Variants in ADD1 observed in about 807,000 individuals in gnomAD.
ADD1 encodes alpha-adducin.
Under a neutral mutation model 80.5 loss-of-function variants are expected in ADD1, and 24 were observed. The ratio of observed to expected loss-of-function variants is 0.30; its 90% CI spans 0.22 to 0.42. ADD1 has a LOEUF of 0.42. Among genes scored for constraint, ADD1 ranks in the 10% least tolerant of loss-of-function variants. ADD1 has a pLI of 1.00. For synonymous variants in ADD1, 373 were observed against 393.8 expected, an observed-to-expected ratio of 0.95 and a Z score of 0.63; for missense variants, 948 against 1,019.0, an observed-to-expected ratio of 0.93 and a Z score of 0.95.
At chr4:2,911,449 T>TATATATATATATATATATATATA (rs1553848841) in intron 13 of ADD1, among the ~76,000 whole-genome samples, 1 of 92,588 alleles carries the variant, frequency 1.1e-5, no homozygotes, top group Non-Finnish European at 2.4e-5. Context: ...TATATATATA[T>TATATATATATATATATATATATA]TTTTTTTTTT....
chr4:2,880,958 A>C (rs1339891198), intron 2 of ADD1, among the ~76,000 whole-genome samples: 2 of 152,102 alleles, frequency 1.3e-5, no homozygotes, highest in Non-Finnish European at 2.9e-5. Flanking sequence ...TCCACATTTA[A>C]AAGTAATTTG....
intron 2 of ADD1, among the ~76,000 whole-genome samples, chr4:2,881,360 T>C (rs1031650176): frequency 2.6e-5 from 4 of 152,196 alleles, no homozygotes; most frequent in Non-Finnish European, 5.9e-5. Flanking sequence ...ATTCCAGGCA[T>C]GAGCCACTGT....
At chr4:2,852,287 T>TC (rs1727374371) in intron 1 of ADD1, among the ~76,000 whole-genome samples, 2 of 131,238 alleles carry the variant, frequency 1.5e-5, no homozygotes, top group African/African-American at 6.3e-5. Context: ...CCTTCTTTTC[T>TC]TTTCTTTTCT....
intron 4 of ADD1, among the ~76,000 whole-genome samples, chr4:2,887,115 C>T (rs1733506446): frequency 6.6e-6 from 1 of 152,144 alleles, no homozygotes; most frequent in Admixed American, 6.5e-5. Context: ...GGGCTTAATA[C>T]CGAGTAAAAA....
At chr4:2,882,201 G>A in intron 3 of ADD1, 141 bp downstream of exon 3, 1 of 782,308 alleles carries the variant, frequency 1.3e-6, no homozygotes. Context: ...GTTTTCGTTA[G>A]TCATAGTAAA....
chr4:2,867,470 G>A (rs549540971), intron 1 of ADD1, among the ~76,000 whole-genome samples: 4 of 152,156 alleles, frequency 2.6e-5, no homozygotes, highest in Admixed American at 2.0e-4. Flanking sequence ...TTAAGAGTGC[G>A]GTCTCCAAAC....
intron 1 of ADD1, among the ~76,000 whole-genome samples, chr4:2,875,137 A>G (rs1362274695): frequency 6.6e-6 from 1 of 151,936 alleles, no homozygotes; most frequent in East Asian, 1.9e-4. Context: ...GCTTAGGTGG[A>G]AGGATCACTT....
chr4:2,876,242 A>C, intron 2 of ADD1, 132 bp downstream of exon 2: 1 of 782,620 alleles, frequency 1.3e-6, no homozygotes, highest in Middle Eastern at 2.5e-4. Context: ...GAGTATACGT[A>C]TATGGTTGTT....
intron 4 of ADD1, among the ~76,000 whole-genome samples, chr4:2,889,660 A>G (rs1054968261): frequency 4.6e-5 from 7 of 151,772 alleles, no homozygotes; most frequent in African/African-American, 1.7e-4. Flanking sequence ...ATCTCTACCA[A>G]AAAATACAAA....
chr4:2,899,781 A>T, intron 9 of ADD1: 1 of 367,434 alleles, frequency 2.7e-6, no homozygotes, highest in Non-Finnish European at 5.2e-6. Flanking sequence ...GAAATCGGTC[A>T]GTCAGGTATT....
intron 4 of ADD1, 85 bp downstream of exon 4, chr4:2,884,751 A>G: frequency 7.0e-7 from 1 of 1,423,750 alleles, no homozygotes; most frequent in Non-Finnish European, 9.4e-7. Flanking sequence ...GAGAAGAGGG[A>G]AGCAGGCTGA....
intron 1 of ADD1, among the ~76,000 whole-genome samples, chr4:2,856,110 C>G (rs1728023489): frequency 6.6e-6 from 1 of 150,886 alleles, no homozygotes; most frequent in African/African-American, 2.4e-5. Flanking sequence ...CCAGGCTGGT[C>G]TTGAATTCCT....
intron 2 of ADD1, among the ~76,000 whole-genome samples, chr4:2,879,958 G>A (rs1028796284): frequency 3.9e-5 from 6 of 152,064 alleles, no homozygotes; most frequent in Admixed American, 6.6e-5. Context: ...CAAGTGATCC[G>A]CCTCCCTTGG....
intron 14 of ADD1, among the ~76,000 whole-genome samples, chr4:2,923,856 G>A (rs528264613): frequency 3.9e-5 from 6 of 152,364 alleles, no homozygotes; most frequent in Admixed American, 1.3e-4. Context: ...GAGGTTGTGC[G>A]TGGCCGAGCC....
chr4:2,884,375 G>A (rs1732893580), intron 3 of ADD1, 140 bp from the exon 4 acceptor site: 2 of 510,886 alleles, frequency 3.9e-6, no homozygotes, highest in Non-Finnish European at 6.6e-6. Flanking sequence ...TGTTGCCTTG[G>A]CTATTCACAG....
intron 10 of ADD1, among the ~76,000 whole-genome samples, chr4:2,906,971 T>C (rs957669413): frequency 7.9e-5 from 12 of 152,226 alleles, no homozygotes; most frequent in African/African-American, 2.9e-4. Flanking sequence ...GCCTTAGAAT[T>C]TGATTAAAAA....
At chr4:2,868,190 G>A (rs866016377) in intron 1 of ADD1, 2 of 152,218 alleles carry the variant, frequency 1.3e-5, no homozygotes, top group African/African-American at 2.4e-5. Context: ...TGTAAGCAGT[G>A]GGGGGTTAGA....
At chr4:2,885,830 T>A (rs905369751) in intron 4 of ADD1, among the ~76,000 whole-genome samples, 1 of 152,100 alleles carries the variant, frequency 6.6e-6, no homozygotes, top group African/African-American at 2.4e-5. Flanking sequence ...CAGGATGGTC[T>A]CGATCTCCTG....
rs1711669411 is a variant in ADD1 at position 2,926,530 on chromosome 4, C to G, written c.2047+418C>G. The stretch of plus-strand genomic sequence containing the variant: ...GTCCCTCGGTCTCGTACATCCATGT[C>G]TCTCGTGAAGCCCGTGGCCCTGCCT... On this transcript the variant is annotated intron_variant, in intron 15 of 15. Coordinates refer to ENST00000683351, the MANE Select transcript of ADD1 (RefSeq NM_001354761.2). This position sits in a 1 kb window ranked among gnomAD's most constrained non-coding sequence, Gnocchi z 5.0. 3 of 1,150,374 alleles carry G rather than the reference C, an allele frequency of 2.6e-6. No individual in the cohort carries two copies. Among genetic ancestry groups the G allele is most frequent in the Non-Finnish European group, 3.8e-6 (3 of 783,340 alleles). 71.3% of individuals were successfully genotyped at this position (1,150,374 alleles called of 1,614,324 possible).
Sources: allele counts gnomAD v4.1 joint callset (sites outside exome capture counted in the v4.1 genomes callset), GRCh38; gene constraint gnomAD v4.1.1; non-coding constraint Gnocchi (gnomAD v3.1); transcripts MANE v1.5; gene names NCBI Gene and HGNC (gene_info 2026-07-23, HGNC 2026-07-21).